The following KLHL25 variants were observed in gnomAD, a reference collection of about 807,000 sequenced individuals.
KLHL25 encodes kelch-like protein 25.
In KLHL25, 41 loss-of-function variants were observed where a neutral mutation model predicts 30.0. The ratio of observed to expected loss-of-function variants is 1.37; its 90% CI spans 1.07 to 1.78. The LOEUF (loss-of-function observed/expected upper bound fraction) is 1.78, where lower values mean the gene tolerates loss of function less well. Among genes scored for constraint, KLHL25 ranks in the 40% most tolerant of loss-of-function variants. The probability of loss-of-function intolerance (pLI) is 0.00; values close to 1 mark genes in which losing one functional copy is unlikely to be tolerated. For synonymous variants in KLHL25, 399 were observed against 355.3 expected (o/e 1.12, Z -1.38); for missense variants, 971 against 824.5 (o/e 1.18, Z -2.18).
chr15:85,769,307 G>C lies in KLHL25; in HGVS notation c.504C>G (p.Ser168=). ...AHQCRRLYEF[S]WRMCLVHFET... is the part of the protein sequence containing the mutation. The stretch of plus-strand genomic sequence containing the variant: ...CAAAGTGCACCAGGCACATGCGCCA[G>C]GAGAACTCATACAGCCGGCGGCACT... The change falls in exon 2 of 3, where the codon TCC becomes TCG. Residue 168 remains serine, a synonymous_variant. Coordinates refer to ENST00000337975, the MANE Select transcript of KLHL25 (RefSeq NM_022480.4). 6.2e-7 allele frequency: 1 copy of C among 1,614,096 alleles called. No homozygotes were observed. Among genetic ancestry groups the C allele is most frequent in the Non-Finnish European group, 8.5e-7 (1 of 1,180,046 alleles).
At position 85,769,348 on chromosome 15, in the gene KLHL25, G is replaced by T. The variant is rs773632184; in HGVS notation, c.463C>A (p.Leu155Ile). 6.2e-7 allele frequency: 1 copy of T among 1,614,152 alleles called. No homozygotes were observed. The highest frequency in any genetic ancestry group is 1.7e-5 in the Admixed American group (1 of 60,036). ...CGGCGGCACTGGTGGGCGTCCGAGA[G>T]CAGCATCATGCCCAGGCAGTTGGAG... is the stretch of plus-strand genomic sequence containing the variant. ...FPSNCLGMML[L>I]SDAHQCRRLY... The change falls in exon 2 of 3, where the codon CTC becomes ATC. Residue 155 changes from leucine (L) to isoleucine (I), a missense_variant. Transcript: ENST00000337975.
chr15:85,782,297 G>A (rs1185819328), intron 1 of KLHL25, among the ~76,000 whole-genome samples: 1 of 151,952 alleles, frequency 6.6e-6, no homozygotes, highest in Non-Finnish European at 1.5e-5. Context: ...ACCTTGCATT[G>A]GGGTTTTCCT....
chr15:85,768,776 C>T lies in KLHL25; in HGVS notation c.1035G>A (p.Thr345=), dbSNP rs141278497. 160 of 1,613,086 alleles carry T rather than the reference C, an allele frequency of 9.9e-5. No homozygotes were observed. In the African/African-American group the frequency reaches 1.8e-3, roughly 18 times the overall value. Residue 345 remains threonine, a synonymous_variant, in exon 2 of 3, where the codon ACG becomes ACA. Coordinates refer to ENST00000337975, the MANE Select transcript of KLHL25 (RefSeq NM_022480.4). Reference sequence around the variant, plus strand: ...CCCCGTTCTCGGAGCCCCTGCCCCCCGTCACATAGACCTTGCAGCCGATCG... The same window carrying T: ...CCCCGTTCTCGGAGCCCCTGCCCCCTGTCACATAGACCTTGCAGCCGATCG... The part of the protein sequence containing the change: ...ASAIGCKVYV[T]GGRGSENGVS...
At chr15:85,764,734 C>T (rs1036335686) in intron 2 of KLHL25, among the ~76,000 whole-genome samples, 1 of 152,164 alleles carries the variant, frequency 6.6e-6, no homozygotes, top group Non-Finnish European at 1.5e-5. Flanking sequence ...GCCCACAGCA[C>T]CCCAAAACCA....
rs376804324 is a variant in KLHL25 at position 85,769,670 on chromosome 15, G to A, written c.141C>T (p.Asp47=). ...CACGGTCGCCCGCCCAGAGTGTGAC[G>A]TCGGTGAACATGCAGTGCTTGCGAA... The part of the protein sequence containing the change: ...NTLRKHCMFT[D]VTLWAGDRAF... The change falls in exon 2 of 3, where the codon GAC becomes GAT. Residue 47 remains aspartate, a synonymous_variant. Transcript: ENST00000337975. 1.4e-5 allele frequency: 23 copies of A among 1,613,874 alleles called. No homozygotes were observed. The highest frequency in any genetic ancestry group is 1.3e-4 in the South Asian group (12 of 91,092).
At chr15:85,773,318 A>G (rs903116446) in intron 1 of KLHL25, among the ~76,000 whole-genome samples, 2 of 152,136 alleles carry the variant, frequency 1.3e-5, no homozygotes, top group African/African-American at 2.4e-5. Flanking sequence ...CAACTCCACC[A>G]TGACTGCCAG....
chr15:85,783,175 C>A (rs2089756244), intron 1 of KLHL25, among the ~76,000 whole-genome samples: 2 of 152,216 alleles, frequency 1.3e-5, no homozygotes, highest in South Asian at 4.1e-4. Context: ...CCTCGGCTCA[C>A]TGCAATCCTC....
At chr15:85,761,667 G>A (rs927303065) in intron 2 of KLHL25, 3 of 152,186 alleles carry the variant, frequency 2.0e-5, no homozygotes, top group African/African-American at 4.8e-5. Context: ...CCCTAATAGA[G>A]TAAGTTCCCT....
At chr15:85,784,753 A>G (rs2089769088) in intron 1 of KLHL25, among the ~76,000 whole-genome samples, 1 of 152,200 alleles carries the variant, frequency 6.6e-6, no homozygotes, top group Non-Finnish European at 1.5e-5. Context: ...TGAGCCTGGA[A>G]GCAGATTCTT....
At chr15:85,783,634 G>A (rs1266732066) in intron 1 of KLHL25, among the ~76,000 whole-genome samples, 1 of 151,104 alleles carries the variant, frequency 6.6e-6, no homozygotes, top group East Asian at 2.0e-4. Context: ...GCAGCTTGCA[G>A]TGAGCTGAGA....
chr15:85,791,506 A>G (rs1363290080), intron 1 of KLHL25, among the ~76,000 whole-genome samples: 2 of 152,176 alleles, frequency 1.3e-5, no homozygotes, highest in African/African-American at 2.4e-5. Flanking sequence ...AAAGAAAAAA[A>G]GGTTAATAAG....
chr15:85,770,931 T>C (rs2089666923), intron 1 of KLHL25: 1 of 258,952 alleles, frequency 3.9e-6, no homozygotes, highest in South Asian at 4.0e-5. Context: ...GAGGCCCCAG[T>C]TCAGTACTTT....
At chr15:85,792,927 A>G (rs1597283947) in intron 1 of KLHL25, among the ~76,000 whole-genome samples, 2 of 152,270 alleles carry the variant, frequency 1.3e-5, no homozygotes, top group East Asian at 3.9e-4. Context: ...TGCTCACTAA[A>G]GGAAGAGTCT....
intron 1 of KLHL25, among the ~76,000 whole-genome samples, chr15:85,790,473 G>C (rs996534819): frequency 2.0e-5 from 3 of 152,204 alleles, no homozygotes; most frequent in African/African-American, 4.8e-5. Context: ...AGTAACTCGA[G>C]CCTTATAAAA....
At position 85,769,384 on chromosome 15, in the gene KLHL25, T is replaced by C; in HGVS notation, c.427A>G (p.Asn143Asp). 6.2e-7 allele frequency: 1 copy of C among 1,614,110 alleles called. No individual in the cohort carries two copies. The highest frequency in any genetic ancestry group is 8.5e-7 in the Non-Finnish European group (1 of 1,180,006). Residue 143 changes from asparagine (N) to aspartate (D), a missense_variant, in exon 2 of 3, where the codon AAC (asparagine) becomes GAC (aspartate). By Grantham distance (23) the Asn-to-Asp change is conservative (BLOSUM62 1). Coordinates refer to ENST00000337975, the MANE Select transcript of KLHL25 (RefSeq NM_022480.4). Reference sequence around the variant, plus strand: ...CCCAGGCAGTTGGAGGGGAAAAGGTTCTTCTCCAGGAACTCGGCGGCAGCA... The same window carrying C: ...CCCAGGCAGTTGGAGGGGAAAAGGTCCTTCTCCAGGAACTCGGCGGCAGCA... ...RDAAAEFLEK[N>D]LFPSNCLGMM...
chr15:85,774,047 G>C (rs1384333862), intron 1 of KLHL25, among the ~76,000 whole-genome samples: 1 of 152,106 alleles, frequency 6.6e-6, no homozygotes, highest in Non-Finnish European at 1.5e-5. Flanking sequence ...GACATACCCA[G>C]CCTCATAGCA....
At chr15:85,794,401 C>T (rs1250693073) in intron 1 of KLHL25, among the ~76,000 whole-genome samples, 2 of 152,264 alleles carry the variant, frequency 1.3e-5, no homozygotes, top group Non-Finnish European at 2.9e-5. Context: ...AGCAGTCTCT[C>T]TTTCCAGGAT....
At chr15:85,786,780 C>T (rs2089784099) in intron 1 of KLHL25, among the ~76,000 whole-genome samples, 2 of 152,254 alleles carry the variant, frequency 1.3e-5, no homozygotes. Flanking sequence ...TTTAGAAACA[C>T]CTGAATTCAC....
intron 1 of KLHL25, among the ~76,000 whole-genome samples, chr15:85,788,037 T>C (rs2089792068): frequency 8.9e-6 from 1 of 112,752 alleles, no homozygotes; most frequent in African/African-American, 3.6e-5. Context: ...GCCTGGGCAA[T>C]GAGAGGGAAA....
Sources: allele counts gnomAD v4.1 joint callset (sites outside exome capture counted in the v4.1 genomes callset), GRCh38; gene constraint gnomAD v4.1.1; transcripts MANE v1.5; gene names NCBI Gene and HGNC (gene_info 2026-07-23, HGNC 2026-07-21).